XKR9: variants seen among roughly 807,000 people sequenced by gnomAD.
XKR9 encodes XK related 9.
In XKR9, 32 loss-of-function variants were observed where a neutral mutation model predicts 32.0. The observed-to-expected ratio is 1.00, with a 90% confidence interval of 0.76 to 1.34. XKR9 has a LOEUF of 1.34. Ranked by LOEUF, XKR9 falls within the 40% of genes most tolerant of loss-of-function variation. XKR9 has a pLI of 0.00. For synonymous variants in XKR9, 168 were observed against 143.4 expected (o/e 1.17, Z -1.22); for missense variants, 546 against 429.7 (o/e 1.27, Z -2.39).
the XKR9 span, among the ~76,000 whole-genome samples, chr8:70,891,363 C>A: frequency 6.6e-6 from 1 of 151,636 alleles, no homozygotes; most frequent in African/African-American, 2.4e-5. Flanking sequence ...CTTTTCTAGC[C>A]CTTTGAGATG....
At chr8:70,864,873 AACCCC>A in the XKR9 span, among the ~76,000 whole-genome samples, 64 of 152,314 alleles carry the variant, frequency 4.2e-4, no homozygotes, top group African/African-American at 1.5e-3. Context: ...TTAAAGTTTT[AACCCC>A]AGCACCATGT....
the XKR9 span, among the ~76,000 whole-genome samples, chr8:70,892,471 AT>A: frequency 6.6e-6 from 1 of 151,786 alleles, no homozygotes; most frequent in Non-Finnish European, 1.5e-5. Flanking sequence ...AGTGATTATT[AT>A]TTTTTCACAT....
At chr8:70,758,429 G>C (rs948588219) in intron 2 of XKR9, among the ~76,000 whole-genome samples, 1 of 152,146 alleles carries the variant, frequency 6.6e-6, no homozygotes, top group Non-Finnish European at 1.5e-5. Context: ...AAAAGTTTCT[G>C]AGGTCAATGT....
intron 2 of XKR9, among the ~76,000 whole-genome samples, chr8:70,777,511 A>C (rs1463583837): frequency 6.6e-6 from 1 of 152,178 alleles, no homozygotes; most frequent in Non-Finnish European, 1.5e-5. Flanking sequence ...TTCTAGTTCT[A>C]GATCCCTGAG....
chr8:70,678,509 C>T (rs1818957801), intron 2 of XKR9, among the ~76,000 whole-genome samples: 1 of 152,142 alleles, frequency 6.6e-6, no homozygotes, highest in South Asian at 2.1e-4. Flanking sequence ...AAGCCTAAAA[C>T]AGCACATGGT....
the XKR9 span, among the ~76,000 whole-genome samples, chr8:70,833,848 T>C: frequency 0.012 from 1,754 of 152,286 alleles, 32 homozygotes; most frequent in African/African-American, 0.038. Flanking sequence ...CCAAAAAACA[T>C]AGAAGCCAAT....
At chr8:70,948,533 C>A in the XKR9 span, among the ~76,000 whole-genome samples, 1 of 151,948 alleles carries the variant, frequency 6.6e-6, no homozygotes, top group African/African-American at 2.4e-5. Flanking sequence ...ATTAGAAAAT[C>A]TGTCATTGCT....
At chr8:71,038,032 A>G in the XKR9 span, among the ~76,000 whole-genome samples, 2 of 152,204 alleles carry the variant, frequency 1.3e-5, no homozygotes, top group Non-Finnish European at 2.9e-5. Flanking sequence ...TACTGAAAGC[A>G]GGTGTGTATT....
At chr8:70,844,387 C>G in the XKR9 span, among the ~76,000 whole-genome samples, 2 of 152,206 alleles carry the variant, frequency 1.3e-5, no homozygotes, top group African/African-American at 4.8e-5. Flanking sequence ...CTCCCTAACC[C>G]AAGAGCCTGA....
At chr8:70,679,469 A>T (rs1316129316) in intron 2 of XKR9, among the ~76,000 whole-genome samples, 1 of 152,204 alleles carries the variant, frequency 6.6e-6, no homozygotes, top group Non-Finnish European at 1.5e-5. Flanking sequence ...GGCTGAAAAG[A>T]ATACATCTAG....
At chr8:70,821,479 G>A in the XKR9 span, among the ~76,000 whole-genome samples, 1 of 152,210 alleles carries the variant, frequency 6.6e-6, no homozygotes, top group Non-Finnish European at 1.5e-5. Flanking sequence ...CCCCAGTGGG[G>A]ACTCTGTGTG....
chr8:70,673,655 C>G (rs1359576048), intron 1 of XKR9, among the ~76,000 whole-genome samples: 1 of 151,942 alleles, frequency 6.6e-6, no homozygotes, highest in Non-Finnish European at 1.5e-5. Flanking sequence ...ATCCCAGCTA[C>G]TTGGGAGGCC....
chr8:71,053,626 G>A, the XKR9 span, among the ~76,000 whole-genome samples: 1 of 95,874 alleles, frequency 1.0e-5, no homozygotes, highest in Admixed American at 8.6e-5. Flanking sequence ...AGTCCCATCT[G>A]AGTTTGTGGT....
At chr8:70,886,732 T>A in the XKR9 span, among the ~76,000 whole-genome samples, 6 of 150,998 alleles carry the variant, frequency 4.0e-5, no homozygotes, top group Non-Finnish European at 2.9e-5. Flanking sequence ...CACTTTTTGA[T>A]GTTTTTTTTT....
At chr8:71,036,559 A>G in the XKR9 span, among the ~76,000 whole-genome samples, 110 of 152,266 alleles carry the variant, frequency 7.2e-4, 1 homozygote, top group Middle Eastern at 6.8e-3. Flanking sequence ...CAGCTGGGTG[A>G]AACTGGACAG....
rs150261383 is a variant in XKR9 at position 70,753,622 on chromosome 8, A to T, written n.353-35717A>T. Among the ~76,000 whole-genome samples the T allele has an allele frequency of 5.3e-3, 802 of 152,254 alleles. 9 individuals carry two copies. The highest frequency in any genetic ancestry group is 0.018 in the African/African-American group (756 of 41,562). ...AAGGCTGGTTCAATATATGCAAATC[A>T]AGAAATGTAGTCCAGCATATAAACA... On this transcript the variant is annotated intron_variant and non_coding_transcript_variant, in intron 2 of 3. Transcript: ENST00000520273.
At chr8:70,736,851 T>A (rs1438021784), downstream of XKR9, among the ~76,000 whole-genome samples, 1 of 151,618 alleles carries the variant, frequency 6.6e-6, no homozygotes, top group Non-Finnish European at 1.5e-5. Flanking sequence ...ACCAGTACCA[T>A]GCTGTTTTGG....
chr8:70,835,815 A>C, the XKR9 span, among the ~76,000 whole-genome samples: 2 of 152,070 alleles, frequency 1.3e-5, no homozygotes, highest in Non-Finnish European at 2.9e-5. Flanking sequence ...CATTGTTTTG[A>C]GAGATTCTAG....
chr8:70,782,006 A>T (rs1807624062), intron 2 of XKR9, among the ~76,000 whole-genome samples: 1 of 152,196 alleles, frequency 6.6e-6, no homozygotes, highest in African/African-American at 2.4e-5. Context: ...CACAACTATG[A>T]TTGTAAATTA....
Sources: allele counts gnomAD v4.1 joint callset (sites outside exome capture counted in the v4.1 genomes callset), GRCh38; gene constraint gnomAD v4.1.1; transcripts MANE v1.5; gene names NCBI Gene and HGNC (gene_info 2026-07-23, HGNC 2026-07-21).